Variants in ZBBX observed in about 807,000 individuals in gnomAD.
ZBBX encodes zinc finger B-box domain containing.
Under a neutral mutation model 108.5 loss-of-function variants are expected in ZBBX, and 101 were observed. The ratio of observed to expected loss-of-function variants is 0.93; its 90% confidence interval spans 0.79 to 1.10. ZBBX has a LOEUF of 1.10. Among genes scored for constraint, ZBBX ranks in the 50% least tolerant of loss-of-function variants. The pLI is 0.00. For missense variants in ZBBX, 1,009 were observed against 941.4 expected (o/e 1.07, Z -0.94); for synonymous variants, 356 against 323.4 (o/e 1.10, Z -1.08).
chr3:167,182,819 G>C, the ZBBX span, among the ~76,000 whole-genome samples: 1 of 146,742 alleles, frequency 6.8e-6, no homozygotes, highest in Non-Finnish European at 1.5e-5. Flanking sequence ...GGTCCATATT[G>C]ATTAATAGCT....
At chr3:167,318,629 A>G (rs1161485921) in intron 12 of ZBBX, among the ~76,000 whole-genome samples, 1 of 151,998 alleles carries the variant, frequency 6.6e-6, no homozygotes, top group East Asian at 1.9e-4. Flanking sequence ...AATTACATTT[A>G]TATGCCAATT....
chr3:167,194,392 CCTGT>C, the ZBBX span, among the ~76,000 whole-genome samples: 2 of 152,058 alleles, frequency 1.3e-5, no homozygotes, highest in African/African-American at 4.8e-5. Context: ...TATCTAGCAT[CCTGT>C]CTATGACTGG....
At chr3:167,218,305 A>C in the ZBBX span, among the ~76,000 whole-genome samples, 1 of 152,174 alleles carries the variant, frequency 6.6e-6, no homozygotes, top group Non-Finnish European at 1.5e-5. Context: ...TGGTAAGAGT[A>C]AGTACACAGA....
intron 20 of ZBBX, among the ~76,000 whole-genome samples, chr3:167,255,638 C>A (rs1179561041): frequency 2.6e-5 from 4 of 151,656 alleles, no homozygotes; most frequent in Admixed American, 2.6e-4. Flanking sequence ...TTATTTTTAC[C>A]TTTTCTCTCA....
In ZBBX at chr3:167,305,894, C is replaced by G. The variant is rs1733555039; in HGVS notation, c.1474G>C (p.Asp492His). 6.2e-7 allele frequency: 1 copy of G among 1,606,044 alleles called. No individual in the cohort carries two copies. Among genetic ancestry groups the G allele is most frequent in the Non-Finnish European group, 8.5e-7 (1 of 1,177,058 alleles). ...NIVDPDVYSSDIEKIEESTSF... is the reference protein window; with the variant it reads ...NIVDPDVYSSHIEKIEESTSF... ...GTGCTTTCCTCAATTTTTTCAATGT[C>G]AGAAGAATACACATCAGGATCCACG... The change falls in exon 17 of 22, where the codon GAC (aspartate) becomes CAC (histidine). Residue 492 changes from aspartate (D) to histidine (H), a missense_variant. Physicochemically the swap from Asp to His is moderately conservative, Grantham distance 81 (BLOSUM62 -1). Coordinates refer to ENST00000675490, the MANE Select transcript of ZBBX (RefSeq NM_001199201.2).
chr3:167,254,286 G>A (rs748978996), intron 20 of ZBBX, among the ~76,000 whole-genome samples: 1 of 152,178 alleles, frequency 6.6e-6, no homozygotes, highest in African/African-American at 2.4e-5. Context: ...GCATGTGTGT[G>A]CACACGTGTG....
In ZBBX at chr3:167,360,123, T is replaced by C. The variant is rs550769300; in HGVS notation, c.323-144A>G. On this transcript the variant is annotated intron_variant, in intron 7 of 21. Transcript: ENST00000675490. ...AACAAATTCTAAACATTTATAATTATATATATTCATAATAAATATATGTAT... is the reference window on the plus strand; with the variant it reads ...AACAAATTCTAAACATTTATAATTACATATATTCATAATAAATATATGTAT... The C allele has an allele frequency of 9.0e-5, 20 of 222,116 alleles. No individual in the cohort carries two copies. In the South Asian group the frequency reaches 3.1e-3, roughly 35 times the overall value. 13.8% of individuals were successfully genotyped at this position (222,116 alleles called of 1,614,324 possible).
At chr3:167,331,663 C>CAA in intron 10 of ZBBX, 1 of 980,048 alleles carries the variant, frequency 1.0e-6, no homozygotes, top group Non-Finnish European at 1.2e-6. Flanking sequence ...CACGTCCACT[C>CAA]AGAGTCCAAT....
chr3:167,348,143 T>C lies in ZBBX; in HGVS notation c.528+2277A>G, dbSNP rs1741814400. Among the ~76,000 whole-genome samples the C allele has an allele frequency of 2.7e-5, 4 of 149,310 alleles. No individual in the cohort carries two copies. In the Admixed American group the frequency reaches 2.7e-4, roughly 10 times the overall value. On this transcript the variant is annotated intron_variant, in intron 9 of 21. Coordinates refer to ENST00000675490, the MANE Select transcript of ZBBX (RefSeq NM_001199201.2). ...TGTGATGCTGGCAGTATCTTAAGTG[T>C]TCTTACCATGAAAGAAGGAAAGAGA...
intron 20 of ZBBX, chr3:167,252,252 C>A: frequency 1.8e-6 from 2 of 1,130,638 alleles, no homozygotes; most frequent in South Asian, 1.3e-5. Flanking sequence ...TTGCTGTACA[C>A]AATAATGCAG....
chr3:167,182,698 T>C, the ZBBX span, among the ~76,000 whole-genome samples: 1 of 152,222 alleles, frequency 6.6e-6, no homozygotes, highest in Non-Finnish European at 1.5e-5. Flanking sequence ...TTTTAAATTT[T>C]AATAACTGAG....
chr3:167,350,637 C>T (rs1056918585), intron 8 of ZBBX, 122 bp from the exon 9 acceptor site: 16 of 596,080 alleles, frequency 2.7e-5, no homozygotes, highest in African/African-American at 3.8e-5. Context: ...CCTATATCAT[C>T]AGAATTGAGA....
At chr3:167,247,482 C>T (rs1286920879) in intron 20 of ZBBX, among the ~76,000 whole-genome samples, 3 of 152,162 alleles carry the variant, frequency 2.0e-5, no homozygotes, top group Non-Finnish European at 4.4e-5. Context: ...TGATCCAATT[C>T]TTCTGGGACA....
chr3:167,252,464 T>C (rs1722779896), intron 20 of ZBBX, among the ~76,000 whole-genome samples: 1 of 152,162 alleles, frequency 6.6e-6, no homozygotes, highest in Non-Finnish European at 1.5e-5. Flanking sequence ...TGAAGCCTTA[T>C]GTCACTGTAG....
intron 20 of ZBBX, among the ~76,000 whole-genome samples, chr3:167,265,931 A>G (rs1294490187): frequency 1.3e-5 from 2 of 152,192 alleles, no homozygotes; most frequent in Admixed American, 1.3e-4. Flanking sequence ...GAGAGCACAG[A>G]TTCTCTCTCC....
At chr3:167,212,741 C>A in the ZBBX span, among the ~76,000 whole-genome samples, 1 of 152,112 alleles carries the variant, frequency 6.6e-6, no homozygotes, top group Non-Finnish European at 1.5e-5. Flanking sequence ...CCAGAAGTGC[C>A]AAGTCATGAA....
the ZBBX span, among the ~76,000 whole-genome samples, chr3:167,222,222 C>A: frequency 7.0e-6 from 1 of 143,396 alleles, no homozygotes; most frequent in African/African-American, 2.5e-5. Context: ...ACTATTTGGC[C>A]AAAAAAAAAA....
chr3:167,319,503 A>C (rs1736047051), intron 12 of ZBBX, among the ~76,000 whole-genome samples: 1 of 151,986 alleles, frequency 6.6e-6, no homozygotes, highest in Admixed American at 6.6e-5. Flanking sequence ...AGTTTATTCA[A>C]ATTTTAAAAA....
At chr3:167,289,177 T>G (rs1228620476) in intron 18 of ZBBX, among the ~76,000 whole-genome samples, 194 bp from the exon 19 acceptor site, 3 of 151,904 alleles carry the variant, frequency 2.0e-5, no homozygotes, top group South Asian at 2.1e-4. Context: ...TTTTAAAAAT[T>G]TAAAAAGTAT....
Sources: allele counts gnomAD v4.1 joint callset (sites outside exome capture counted in the v4.1 genomes callset), GRCh38; gene constraint gnomAD v4.1.1; transcripts MANE v1.5; gene names NCBI Gene and HGNC (gene_info 2026-07-23, HGNC 2026-07-21).